ASRGL1: variants seen among roughly 807,000 people sequenced by gnomAD.
ASRGL1 encodes isoaspartyl peptidase/L-asparaginase.
In ASRGL1, 16 loss-of-function variants were observed where a neutral mutation model predicts 22.4. That is an observed-to-expected ratio of 0.71 (90% CI 0.48 to 1.08). ASRGL1 has a LOEUF of 1.08. Ranked by LOEUF, ASRGL1 falls within the 50% of genes least tolerant of loss-of-function variation. The pLI is 0.00. For synonymous variants in ASRGL1, 165 were observed against 159.3 expected, an observed-to-expected ratio of 1.04 and a Z score of -0.27; for missense variants, 412 against 410.1, an observed-to-expected ratio of 1.00 and a Z score of -0.04.
the ASRGL1 span, among the ~76,000 whole-genome samples, chr11:62,399,916 G>A: frequency 6.6e-6 from 1 of 152,216 alleles, no homozygotes; most frequent in South Asian, 2.1e-4. Context: ...CCACTAGGGT[G>A]GCAGCTGGGC....
At chr11:62,375,994 C>G (rs188414847) in intron 4 of ASRGL1, among the ~76,000 whole-genome samples, 7 of 150,846 alleles carry the variant, frequency 4.6e-5, no homozygotes, top group Admixed American at 1.3e-4. Flanking sequence ...CCCAGCTACT[C>G]AGGAGGCTGA....
At chr11:62,339,234 T>A (rs1945807169) in intron 2 of ASRGL1, among the ~76,000 whole-genome samples, 1 of 152,198 alleles carries the variant, frequency 6.6e-6, no homozygotes, top group African/African-American at 2.4e-5. Flanking sequence ...TTTCAGGGCT[T>A]GCTATCTGTC....
intron 2 of ASRGL1, among the ~76,000 whole-genome samples, chr11:62,348,225 A>G (rs1184286055): frequency 1.3e-5 from 2 of 152,194 alleles, no homozygotes; most frequent in Non-Finnish European, 2.9e-5. Flanking sequence ...CTACACAAAT[A>G]AAGATCGTGG....
At position 62,356,366 on chromosome 11, in the gene ASRGL1, G is replaced by T; in HGVS notation, c.232G>T (p.Asp78Tyr). 1 of 1,614,178 alleles carries T rather than the reference G, an allele frequency of 6.2e-7. No individual in the cohort carries two copies. Among genetic ancestry groups the T allele is most frequent in the Non-Finnish European group, 8.5e-7 (1 of 1,179,980 alleles). ...VLNTNGEVEM[D>Y]ASIMDGKDLS... is the part of the protein sequence containing the mutation. The stretch of plus-strand genomic sequence containing the variant: ...GAACACAAATGGTGAGGTTGAAATG[G>T]ATGCTAGTATCATGGATGGAAAAGA... The change falls in exon 3 of 7, where the codon GAT becomes TAT. Residue 78 changes from aspartate to tyrosine, a missense_variant. By Grantham distance (160) the Asp-to-Tyr change is radical. Transcript: ENST00000415229.
In ASRGL1 at chr11:62,338,099, G is replaced by T; in HGVS notation, c.122G>T (p.Gly41Val). 1 of 1,607,646 alleles carries T rather than the reference G, an allele frequency of 6.2e-7. No homozygotes were observed. The highest frequency in any genetic ancestry group is 1.1e-5 in the South Asian group (1 of 89,818). ...GTGGGCTACGGCATCCTCCGGGAGG[G>T]CGGGAGCGCCGTGGATGCCGTAGAG... ...ATVGYGILRE[G>V]GSAVDAVEGA... The change falls in exon 2 of 7, where the codon GGC (glycine) becomes GTC (valine). Residue 41 changes from glycine to valine, a missense_variant. By Grantham distance (109) the Gly-to-Val change is moderately radical (BLOSUM62 -3). Transcript: ENST00000415229.
intron 4 of ASRGL1, among the ~76,000 whole-genome samples, chr11:62,370,559 A>G (rs976781705): frequency 2.0e-5 from 3 of 152,092 alleles, no homozygotes; most frequent in Admixed American, 6.5e-5. Flanking sequence ...TTTTCTCCCC[A>G]TTCCCAAGGG....
intron 4 of ASRGL1, 75 bp downstream of exon 4, chr11:62,357,219 C>T: frequency 1.0e-6 from 1 of 962,258 alleles, no homozygotes; most frequent in Non-Finnish European, 1.5e-6. Flanking sequence ...TGGTTATCTA[C>T]AGTTCTTTTG....
chr11:62,344,530 G>T (rs1279760042), intron 2 of ASRGL1, among the ~76,000 whole-genome samples: 2 of 150,664 alleles, frequency 1.3e-5, no homozygotes, highest in Non-Finnish European at 2.9e-5. Flanking sequence ...AGAAGTTTTA[G>T]GTCTGTGATT....
intron 4 of ASRGL1, chr11:62,371,573 A>C: frequency 1.4e-6 from 1 of 693,660 alleles, no homozygotes; most frequent in Non-Finnish European, 2.7e-6. Context: ...TACACTGCGG[A>C]AGGCCACAGG....
At chr11:62,356,889 C>T (rs1316419191) in intron 3 of ASRGL1, 98 bp from the exon 4 acceptor site, 3 of 1,362,988 alleles carry the variant, frequency 2.2e-6, no homozygotes, top group East Asian at 4.8e-5. Flanking sequence ...TGATCCTTTG[C>T]ACCCAGAGAG....
chr11:62,349,917 C>T (rs1450704853), intron 2 of ASRGL1, among the ~76,000 whole-genome samples: 1 of 152,118 alleles, frequency 6.6e-6, no homozygotes, highest in Non-Finnish European at 1.5e-5. Context: ...TGTAAGCTGT[C>T]ACGGTGGGAG....
At chr11:62,373,970 G>A (rs1390817483) in intron 4 of ASRGL1, among the ~76,000 whole-genome samples, 1 of 152,210 alleles carries the variant, frequency 6.6e-6, no homozygotes, top group Non-Finnish European at 1.5e-5. Flanking sequence ...CCAGGGCTGA[G>A]CCTTGTCACA....
chr11:62,359,402 C>T (rs1428732183), intron 4 of ASRGL1, among the ~76,000 whole-genome samples: 6 of 151,600 alleles, frequency 4.0e-5, no homozygotes, highest in Admixed American at 6.6e-5. Context: ...GCCAAGATCG[C>T]GCCATTGCAC....
Position 62,339,863 on chromosome 11 carries a change from A to G in ASRGL1, c.190+1696A>G, listed in dbSNP as rs111671577. Among the ~76,000 whole-genome samples the G allele has an allele frequency of 8.7e-4, 133 of 152,302 alleles. 1 individual carries two copies. Among genetic ancestry groups the G allele is most frequent in the African/African-American group, 3.1e-3 (128 of 41,574 alleles). On this transcript the variant is annotated intron_variant, in intron 2 of 6. Coordinates refer to ENST00000415229, the MANE Select transcript of ASRGL1 (RefSeq NM_001083926.2). ...AATACTTCCTGGAATTATACCACCC[A>G]TCTGTCAGGGAAAAGAATTTCAGGA...
At chr11:62,358,186 C>T (rs182361524) in intron 4 of ASRGL1, among the ~76,000 whole-genome samples, 4 of 152,014 alleles carry the variant, frequency 2.6e-5, no homozygotes, top group African/African-American at 4.8e-5. Flanking sequence ...CTAGGCAACA[C>T]GGTGAAACCC....
intron 2 of ASRGL1, among the ~76,000 whole-genome samples, chr11:62,339,764 A>G (rs548277142): frequency 6.6e-6 from 1 of 152,322 alleles, no homozygotes; most frequent in East Asian, 1.9e-4. Context: ...TAAGGCATAA[A>G]CAGATTAACT....
chr11:62,379,548 A>G (rs1445185598), intron 4 of ASRGL1, among the ~76,000 whole-genome samples: 2 of 152,162 alleles, frequency 1.3e-5, no homozygotes, highest in East Asian at 1.9e-4. Context: ...AATCAACCAC[A>G]CCAGTATGAA....
chr11:62,370,599 T>A (rs1200669781), intron 4 of ASRGL1, among the ~76,000 whole-genome samples: 1 of 152,120 alleles, frequency 6.6e-6, no homozygotes, highest in Non-Finnish European at 1.5e-5. Context: ...TGTGCTTCTG[T>A]TTGTCTAAAC....
At chr11:62,399,247 A>G in the ASRGL1 span, among the ~76,000 whole-genome samples, 1 of 152,152 alleles carries the variant, frequency 6.6e-6, no homozygotes, top group African/African-American at 2.4e-5. Flanking sequence ...ATATTTGTCC[A>G]CTGCTCTCAA....
Sources: allele counts gnomAD v4.1 joint callset (sites outside exome capture counted in the v4.1 genomes callset), GRCh38; gene constraint gnomAD v4.1.1; transcripts MANE v1.5; gene names NCBI Gene and HGNC (gene_info 2026-07-23, HGNC 2026-07-21).